Variants in VPS13D observed in about 807,000 individuals in gnomAD.
The protein encoded by VPS13D is vacuolar protein sorting 13 homolog D, also known as intermembrane lipid transfer protein VPS13D.
VPS13D carries 187 observed loss-of-function variants against 461.9 expected under a neutral mutation model. That is an observed-to-expected ratio of 0.40 (90% CI 0.36 to 0.46). VPS13D has a LOEUF of 0.46. VPS13D is among the 20% of genes least tolerant of loss of function. VPS13D has a pLI of 0.60. For missense variants in VPS13D, 4,711 were observed against 5,364.9 expected, an observed-to-expected ratio of 0.88 and a Z score of 3.81; for synonymous variants, 1,951 against 1,986.3, an observed-to-expected ratio of 0.98 and a Z score of 0.47.
Position 12,376,996 on chromosome 1 carries a change from C to G in VPS13D, c.10918-1432C>G, listed in dbSNP as rs80089814. On this transcript the variant is annotated intron_variant, in intron 55 of 69. Transcript: ENST00000620676. ...TCTCACCGAGCCTTAACTTCCTCAT[C>G]TATGAGGAGGGACATATGTCACTGG... Among the ~76,000 whole-genome samples the G allele has an allele frequency of 5.6e-3, 850 of 152,110 alleles. 7 individuals carry two copies. Among genetic ancestry groups the G allele is most frequent in the African/African-American group, 0.019 (773 of 41,492 alleles).
rs1644655735 is a variant in VPS13D at position 12,406,412 on chromosome 1, C to A, written c.12030+2439C>A. On this transcript the variant is annotated intron_variant, in intron 63 of 69. Transcript: ENST00000620676. ...GTCCCTGAACAGGAGTCACGAGAGC[C>A]TGACTAAAAGGTAAACCACGTCTTT... is the stretch of plus-strand genomic sequence containing the variant. 2.0e-5 allele frequency among the ~76,000 whole-genome samples: 3 copies of A among 152,236 alleles called. No homozygotes were observed. The South Asian group carries it at 6.2e-4, about 32-fold the overall frequency.
At position 12,299,265 on chromosome 1, in the gene VPS13D, C is replaced by T. The variant is rs768505843; in HGVS notation, c.6097C>T (p.Leu2033Phe). 40 of 1,613,934 alleles carry T rather than the reference C, an allele frequency of 2.5e-5. No individual in the cohort carries two copies. Among genetic ancestry groups the T allele is most frequent in the Non-Finnish European group, 3.3e-5 (39 of 1,179,988 alleles). Residue 2033 changes from leucine to phenylalanine, a missense_variant, in exon 25 of 70, where the codon CTC (leucine) becomes TTC (phenylalanine). Leu to Phe is a conservative substitution (Grantham distance 22). This residue lies in a region of VPS13D where 4,411 missense variants were observed against 4,937.8 expected (regional missense o/e 0.89). Coordinates refer to ENST00000620676, the MANE Select transcript of VPS13D (RefSeq NM_015378.4). This position sits in a 1 kb window ranked among gnomAD's most constrained non-coding sequence, Gnocchi z 4.2. ...LLDIEAGAPV[L>F]LIPESSRSNN... is the part of the protein sequence containing the mutation. Reference sequence around the variant, plus strand: ...GGATATTGAGGCTGGTGCTCCCGTTCTCTTGATCCCAGAAAGTTCCAGATC... The same window carrying T: ...GGATATTGAGGCTGGTGCTCCCGTTTTCTTGATCCCAGAAAGTTCCAGATC...
intron 30 of VPS13D, among the ~76,000 whole-genome samples, chr1:12,314,672 C>T (rs1230666559): frequency 6.6e-6 from 1 of 152,130 alleles, no homozygotes; most frequent in Non-Finnish European, 1.5e-5. Context: ...GACTTTTGGT[C>T]TTTACAAATA....
At chr1:12,393,846 A>G (rs1017588435) in intron 60 of VPS13D, among the ~76,000 whole-genome samples, 4 of 152,172 alleles carry the variant, frequency 2.6e-5, no homozygotes, top group African/African-American at 9.7e-5. Flanking sequence ...CACTGGTGAC[A>G]TGACCACAGG....
chr1:12,467,297 A>G (rs1023868310), intron 67 of VPS13D, among the ~76,000 whole-genome samples: 1 of 152,246 alleles, frequency 6.6e-6, no homozygotes, highest in East Asian at 1.9e-4. Flanking sequence ...TCAGCCTCCA[A>G]AGTAGCTGGG....
At chr1:12,249,478 G>A in intron 6 of VPS13D, 139 bp downstream of exon 6, 1 of 582,230 alleles carries the variant, frequency 1.7e-6, no homozygotes, top group Non-Finnish European at 2.9e-6. Context: ...GGTGTCTCTT[G>A]TGTATTTGCA....
At chr1:12,269,775 G>T (rs1641380890) in intron 16 of VPS13D, among the ~76,000 whole-genome samples, 1 of 152,120 alleles carries the variant, frequency 6.6e-6, no homozygotes, top group African/African-American at 2.4e-5. Context: ...ATCTGTTTTA[G>T]TTTTTGGACT....
intron 66 of VPS13D, among the ~76,000 whole-genome samples, chr1:12,459,482 C>CTTTTTTT (rs869264869): frequency 3.8e-5 from 5 of 131,356 alleles, no homozygotes; most frequent in Admixed American, 7.6e-5. Flanking sequence ...CTTTTCTTTT[C>CTTTTTTT]TTTTTTTTTT....
At chr1:12,454,355 G>A (rs990291314) in intron 65 of VPS13D, among the ~76,000 whole-genome samples, 5 of 152,224 alleles carry the variant, frequency 3.3e-5, no homozygotes, top group Admixed American at 6.5e-5. Context: ...TTGCAGCGTC[G>A]TGTGGTGTTT....
Position 12,383,031 on chromosome 1 carries a change from A to G in VPS13D, c.11246A>G (p.Asp3749Gly). The change falls in exon 58 of 70, where the codon GAC becomes GGC. Residue 3749 changes from aspartate to glycine, a missense_variant. Asp to Gly is a moderately conservative substitution (Grantham distance 94, BLOSUM62 -1). Around this residue, in one of 3 missense-constraint regions of VPS13D, gnomAD observed 4,411 missense variants for 4,937.8 expected, o/e 0.89. Transcript: ENST00000620676. ...GGAGCTGAAGTTGTTCTTGGTCCTG[A>G]CACTTCCATGGAGCTTTTGGGGCCA... ...FDGAEVVLGP[D>G]TSMELLGPVP... 2 of 1,614,172 alleles carry G rather than the reference A, an allele frequency of 1.2e-6. No homozygotes were observed. The highest frequency in any genetic ancestry group is 8.5e-7 in the Non-Finnish European group (1 of 1,180,034).
intron 2 of VPS13D, among the ~76,000 whole-genome samples, 181 bp from the exon 3 acceptor site, chr1:12,242,332 G>A (rs1220093740): frequency 1.3e-5 from 2 of 152,134 alleles, no homozygotes; most frequent in Non-Finnish European, 2.9e-5. Flanking sequence ...TGTTCTAGGT[G>A]TAAAACTTTA....
chr1:12,354,018 C>A lies in VPS13D; in HGVS notation c.9476C>A (p.Pro3159His). Residue 3159 changes from proline to histidine, a missense_variant, in exon 47 of 70, where the codon CCC becomes CAC. Physicochemically the swap from Pro to His is moderately conservative, Grantham distance 77. This residue lies in a region of VPS13D where 4,411 missense variants were observed against 4,937.8 expected (regional missense o/e 0.89). Coordinates refer to ENST00000620676, the MANE Select transcript of VPS13D (RefSeq NM_015378.4). ...AAAGAGAATTATCCAGATTATATGC[C>A]CTCAAACATATTTTCTGACAGTGCA... is the stretch of plus-strand genomic sequence containing the variant. ...IKKENYPDYM[P>H]SNIFSDSAKQ... 6.2e-7 allele frequency: 1 copy of A among 1,613,886 alleles called. No individual in the cohort carries two copies. Among genetic ancestry groups the A allele is most frequent in the African/African-American group, 1.3e-5 (1 of 74,944 alleles).
Position 12,299,311 on chromosome 1 carries a change from A to G in VPS13D, c.6143A>G (p.Asn2048Ser). 1.2e-6 allele frequency: 2 copies of G among 1,613,866 alleles called. No homozygotes were observed. The highest frequency in any genetic ancestry group is 1.7e-6 in the Non-Finnish European group (2 of 1,179,976). Residue 2048 changes from asparagine to serine, a missense_variant, in exon 25 of 70, where the codon AAT (asparagine) becomes AGT (serine). Asn to Ser is a conservative substitution (Grantham distance 46, BLOSUM62 1). Transcript: ENST00000620676. The surrounding 1 kb of genome is among the most constrained non-coding windows in gnomAD (Gnocchi z 4.2). The part of the protein sequence containing the change: ...SSRSNNLIVA[N>S]LGKLKVKNKF... ...AGATCAAATAATCTGATTGTAGCAA[A>G]TTTGGGGAAGTTGAAAGTCAAAAAT...
chr1:12,351,718 A>G (rs918962259), intron 46 of VPS13D, among the ~76,000 whole-genome samples: 1 of 151,462 alleles, frequency 6.6e-6, no homozygotes, highest in Non-Finnish European at 1.5e-5. Flanking sequence ...CAGCCTCCCG[A>G]GTAGCTGGGA....
At chr1:12,346,676 A>G (rs767351918) in intron 44 of VPS13D, 24 bp downstream of exon 44, 4 of 1,606,332 alleles carry the variant, frequency 2.5e-6, no homozygotes, top group Non-Finnish European at 3.4e-6. Context: ...TCCTGTTGTC[A>G]TTGTGTTTAT....
chr1:12,236,382 G>A (rs1640147789), intron 2 of VPS13D, among the ~76,000 whole-genome samples: 1 of 151,882 alleles, frequency 6.6e-6, no homozygotes, highest in African/African-American at 2.4e-5. Context: ...GAATGAGAAT[G>A]TTCTTTCTTT....
chr1:12,292,243 C>CA (rs1474470786), intron 23 of VPS13D, among the ~76,000 whole-genome samples: 1 of 94,384 alleles, frequency 1.1e-5, no homozygotes, highest in Non-Finnish European at 1.9e-5. Flanking sequence ...GCCTGGGTGA[C>CA]AAGAGCGAAA....
chr1:12,396,025 A>ATATATATATATATATATTTC (rs1644493558), intron 60 of VPS13D, among the ~76,000 whole-genome samples: 1 of 127,214 alleles, frequency 7.9e-6, no homozygotes, highest in Non-Finnish European at 1.6e-5. Flanking sequence ...ATATATATAT[A>ATATATATATATATATATTTC]TATAGTTCTT....
chr1:12,353,371 A>T (rs1195613587), intron 46 of VPS13D, among the ~76,000 whole-genome samples: 1 of 151,872 alleles, frequency 6.6e-6, no homozygotes, highest in Non-Finnish European at 1.5e-5. Flanking sequence ...ATCTCTACTA[A>T]AAATACAAAA....
Sources: gnomAD v4.1 joint callset for allele counts (sites outside exome capture counted in the v4.1 genomes callset) on GRCh38, gnomAD v4.1.1 for gene constraint, gnomAD v4.1.1 regional missense constraint, Gnocchi (gnomAD v3.1) non-coding constraint, MANE v1.5 for transcripts, NCBI Gene and HGNC (gene_info 2026-07-23, HGNC 2026-07-21) for gene names.